The following NUAK1 variants were observed in gnomAD, a reference collection of about 807,000 sequenced individuals.
The protein encoded by NUAK1 is NUAK family SNF1-like kinase 1.
NUAK1 carries 26 observed loss-of-function variants against 56.9 expected under a neutral mutation model. The observed-to-expected ratio is 0.46, with a 90% CI of 0.33 to 0.63. NUAK1 has a LOEUF of 0.63. Among genes scored for constraint, NUAK1 ranks in the 30% least tolerant of loss-of-function variants. NUAK1 has a pLI of 0.02. For missense variants in NUAK1, 727 were observed against 876.1 expected (o/e 0.83, Z 2.15); for synonymous variants, 337 against 336.0 (o/e 1.00, Z -0.03).
intron 1 of NUAK1, among the ~76,000 whole-genome samples, chr12:106,131,058 C>T (rs1243147092): frequency 3.9e-5 from 6 of 152,262 alleles, no homozygotes; most frequent in South Asian, 4.1e-4. Context: ...ATTGTCTTCG[C>T]TTCTTTCACA....
At chr12:106,106,384 A>G in intron 2 of NUAK1, 21 bp downstream of exon 2, 1 of 949,706 alleles carries the variant, frequency 1.1e-6, no homozygotes. Context: ...ATGGGGGTTA[A>G]AAAAAAAAAA....
Position 106,132,238 on chromosome 12 carries a change from G to A in NUAK1, c.240+6176C>T, listed in dbSNP as rs192242368. On this transcript the variant is annotated intron_variant, in intron 1 of 6. Coordinates refer to ENST00000261402, the MANE Select transcript of NUAK1 (RefSeq NM_014840.3). The stretch of plus-strand genomic sequence containing the variant: ...TGTAACCTGCCATTCATTTTCAACC[G>A]TTGTCTTTCCTTCCCCACAAATCTA... 1.3e-3 allele frequency among the ~76,000 whole-genome samples: 196 copies of A among 152,298 alleles called. 1 individual carries two copies. The highest frequency in any genetic ancestry group is 0.01 in the Admixed American group (157 of 15,302).
intron 2 of NUAK1, among the ~76,000 whole-genome samples, chr12:106,103,572 G>A (rs2032769750): frequency 1.3e-5 from 2 of 152,044 alleles, no homozygotes; most frequent in Admixed American, 1.3e-4. Context: ...TCAAGACCCA[G>A]CCCAAATGCC....
chr12:106,094,767 G>T (rs547995447), intron 2 of NUAK1, among the ~76,000 whole-genome samples: 2 of 152,362 alleles, frequency 1.3e-5, no homozygotes, highest in Non-Finnish European at 2.9e-5. Flanking sequence ...GAAATGGTAA[G>T]AAAGTGTAGA....
chr12:106,106,519 T>C lies in NUAK1; in HGVS notation c.247A>G (p.Ile83Val). The change falls in exon 2 of 7, where the codon ATA becomes GTA. Residue 83 changes from isoleucine (I) to valine (V), a missense_variant. Physicochemically the swap from Ile to Val is conservative, Grantham distance 29 (BLOSUM62 3). Transcript: ENST00000261402. Reference protein sequence around the residue: ...TERFSGRVVAIKSIRKDKIKD... With the variant: ...TERFSGRVVAVKSIRKDKIKD... ...ATTTTGTCCTTACGAATGGATTTTA[T>C]AGCAACCTATAAAGTCAGGAAATGA... 1.2e-6 allele frequency: 2 copies of C among 1,612,508 alleles called. No homozygotes were observed. The highest frequency in any genetic ancestry group is 1.7e-6 in the Non-Finnish European group (2 of 1,179,632).
chr12:106,107,600 C>T (rs1272639897), intron 1 of NUAK1, among the ~76,000 whole-genome samples: 1 of 152,182 alleles, frequency 6.6e-6, no homozygotes, highest in Non-Finnish European at 1.5e-5. Context: ...TAAAGGCATA[C>T]AGTCATCTGG....
At chr12:106,115,951 C>T (rs1434076456) in intron 1 of NUAK1, among the ~76,000 whole-genome samples, 1 of 152,164 alleles carries the variant, frequency 6.6e-6, no homozygotes, top group East Asian at 1.9e-4. Context: ...ATCCTGTCCT[C>T]GCCATTAACA....
At chr12:106,136,777 G>A (rs1282023394) in intron 1 of NUAK1, among the ~76,000 whole-genome samples, 1 of 152,168 alleles carries the variant, frequency 6.6e-6, no homozygotes, top group Non-Finnish European at 1.5e-5. Context: ...ACATGAGCAG[G>A]GATCTAAGCT....
intron 1 of NUAK1, among the ~76,000 whole-genome samples, chr12:106,110,478 C>G (rs977412532): frequency 6.6e-6 from 1 of 152,100 alleles, no homozygotes; most frequent in Non-Finnish European, 1.5e-5. Context: ...CAGACATGCC[C>G]GGCATTGCGG....
Position 106,072,809 on chromosome 12 carries a change from T to G in NUAK1, c.614A>C (p.Lys205Thr), listed in dbSNP as rs545166073. 1.9e-6 allele frequency: 3 copies of G among 1,614,074 alleles called. No homozygotes were observed. In the African/African-American group the frequency reaches 4.0e-5, roughly 22 times the overall value. ...ADFGLSNLYQ[K>T]DKFLQTFCGS... ...ACAAAACGTTTGTAAGAACTTATCC[T>G]TCTGGTACAGGTTGGAAAGCCCAAA... The change falls in exon 5 of 7, where the codon AAG becomes ACG. Residue 205 changes from lysine (K) to threonine (T), a missense_variant. Coordinates refer to ENST00000261402, the MANE Select transcript of NUAK1 (RefSeq NM_014840.3).
intron 1 of NUAK1, among the ~76,000 whole-genome samples, chr12:106,117,252 A>G (rs751751429): frequency 3.9e-5 from 6 of 152,192 alleles, no homozygotes; most frequent in Non-Finnish European, 5.9e-5. Context: ...AGGTTTCAAG[A>G]ACCATCCCAG....
intron 3 of NUAK1, among the ~76,000 whole-genome samples, chr12:106,084,349 C>T (rs972955746): frequency 6.6e-6 from 1 of 152,232 alleles, no homozygotes; most frequent in Non-Finnish European, 1.5e-5. Flanking sequence ...CTCACAGGCA[C>T]TCCTCATCTG....
At chr12:106,089,378 A>G (rs1015183142) in intron 2 of NUAK1, among the ~76,000 whole-genome samples, 1 of 152,234 alleles carries the variant, frequency 6.6e-6, no homozygotes, top group Non-Finnish European at 1.5e-5. Flanking sequence ...TTCCCTCTCC[A>G]ACTGGCTGAT....
At chr12:106,070,673 T>A in intron 6 of NUAK1, 101 bp downstream of exon 6, 2 of 1,433,782 alleles carry the variant, frequency 1.4e-6, no homozygotes, top group Non-Finnish European at 1.9e-6. Flanking sequence ...GAAAACCAGG[T>A]GACTCCAGAC....
chr12:106,112,628 G>C (rs763433803), intron 1 of NUAK1, among the ~76,000 whole-genome samples: 1 of 152,178 alleles, frequency 6.6e-6, no homozygotes, highest in Non-Finnish European at 1.5e-5. Context: ...GTGATGCAAC[G>C]GGCCCCATGG....
intron 2 of NUAK1, among the ~76,000 whole-genome samples, chr12:106,100,521 G>A (rs1241840075): frequency 5.9e-5 from 9 of 152,326 alleles, no homozygotes; most frequent in South Asian, 2.1e-4. Context: ...GAAAGGGACC[G>A]CCTGGTCTGT....
intron 1 of NUAK1, among the ~76,000 whole-genome samples, chr12:106,108,014 G>A (rs907088073): frequency 1.3e-5 from 2 of 152,082 alleles, no homozygotes; most frequent in South Asian, 2.1e-4. Context: ...CTTGGCATAC[G>A]GTAGACCCGG....
intron 1 of NUAK1, among the ~76,000 whole-genome samples, chr12:106,120,875 ATG>A (rs1259636231): frequency 2.0e-4 from 30 of 152,130 alleles, no homozygotes; most frequent in African/African-American, 6.8e-4. Flanking sequence ...CCAGGCATGG[ATG>A]GGGCCACCTT....
At chr12:106,081,794 C>T (rs1203345420) in intron 4 of NUAK1, among the ~76,000 whole-genome samples, 1 of 152,238 alleles carries the variant, frequency 6.6e-6, no homozygotes, top group African/African-American at 2.4e-5. Context: ...TAGAACCCAA[C>T]CCCTAGGCAA....
Sources: gnomAD v4.1 joint callset for allele counts (sites outside exome capture counted in the v4.1 genomes callset) on GRCh38, gnomAD v4.1.1 for gene constraint, MANE v1.5 for transcripts, NCBI Gene and HGNC (gene_info 2026-07-23, HGNC 2026-07-21) for gene names.